The following THOC2 variants were observed in gnomAD, a reference collection of about 807,000 sequenced individuals.
THOC2 encodes the protein THO complex subunit 2, also known as THO complex 2.
In THOC2, 10 loss-of-function variants were observed where a neutral mutation model predicts 128.4. The observed-to-expected ratio is 0.08, with a 90% CI of 0.05 to 0.13. THOC2 has a LOEUF of 0.13. Ranked by LOEUF, THOC2 falls within the 10% of genes least tolerant of loss-of-function variation. The pLI, the probability that THOC2 is intolerant of heterozygous loss-of-function variation, is 1.00. For missense variants in THOC2, 535 were observed against 1,155.7 expected, an observed-to-expected ratio of 0.46 and a Z score of 7.79; for synonymous variants, 393 against 396.9, an observed-to-expected ratio of 0.99 and a Z score of 0.12.
Position 123,718,615 on chromosome X carries a change from C to T in THOC2, c.72-5707G>A, listed in dbSNP as rs138246429. ...CTCTACTAAAAATACAAAAATTATC[C>T]GGGCATGGTGGCGCATGCCTGTAAT... On this transcript the variant is annotated intron_variant, in intron 1 of 38. Coordinates refer to ENST00000245838, the MANE Select transcript of THOC2 (RefSeq NM_001081550.2). 7.6e-3 allele frequency among the ~76,000 whole-genome samples: 839 copies of T among 110,921 alleles called. 6 individuals are homozygous for T. Among genetic ancestry groups the T allele is most frequent in the Non-Finnish European group, 0.012 (645 of 52,916 alleles).
At chrX:123,654,758 CAAAAAA>C (rs149260708) in intron 12 of THOC2, among the ~76,000 whole-genome samples, 8 of 24,360 alleles carry the variant, frequency 3.3e-4, no homozygotes, top group African/African-American at 4.2e-4. Flanking sequence ...GACTCCGTCT[CAAAAAA>C]AAAAAAAAAA....
chrX:123,670,769 G>A (rs2049245752), intron 9 of THOC2, among the ~76,000 whole-genome samples: 1 of 112,354 alleles, frequency 8.9e-6, no homozygotes, highest in Non-Finnish European at 1.9e-5. Context: ...CCCCAAGACA[G>A]ATATGGTCAC....
intron 22 of THOC2, among the ~76,000 whole-genome samples, chrX:123,628,312 A>G (rs1371911273): frequency 9.0e-6 from 1 of 111,459 alleles, no homozygotes; most frequent in Non-Finnish European, 1.9e-5. Context: ...TTGAACATGT[A>G]GGGTTTCCAG....
intron 12 of THOC2, among the ~76,000 whole-genome samples, chrX:123,663,969 T>C (rs770303741): frequency 2.9e-4 from 33 of 111,947 alleles, no homozygotes; most frequent in African/African-American, 1.1e-3. Flanking sequence ...TATGACTGCA[T>C]AGTATTCCAT....
chrX:123,659,347 C>A lies in THOC2; in HGVS notation c.1386+6295G>T, dbSNP rs144918374. ...CAGCACTTTGGGAGGCCGAGGCGGG[C>A]GGATCACAAGGTCAAGAGATCAAGA... is the stretch of plus-strand genomic sequence containing the variant. On this transcript the variant is annotated intron_variant, in intron 12 of 38. Transcript: ENST00000245838. 1.3e-4 allele frequency among the ~76,000 whole-genome samples: 15 copies of A among 111,973 alleles called. No individual in the cohort carries two copies. The South Asian group carries it at 5.6e-3, about 42-fold the overall frequency.
At chrX:123,606,040 CA>C (rs1321322701) in intron 38 of THOC2, among the ~76,000 whole-genome samples, 1 of 111,025 alleles carries the variant, frequency 9.0e-6, no homozygotes, top group Non-Finnish European at 1.9e-5. Flanking sequence ...ACAATGTTAC[CA>C]GATGTTCCAA....
At chrX:123,646,169 C>A (rs2048121151) in intron 12 of THOC2, among the ~76,000 whole-genome samples, 2 of 111,913 alleles carry the variant, frequency 1.8e-5, no homozygotes, top group African/African-American at 6.5e-5. Context: ...CCCAAAATAC[C>A]AGTAACATTA....
At chrX:123,704,906 A>C (rs1294341520) in intron 3 of THOC2, among the ~76,000 whole-genome samples, 1 of 111,966 alleles carries the variant, frequency 8.9e-6, no homozygotes. Context: ...CTGTTTCTGA[A>C]TAAAAACTTC....
intron 1 of THOC2, 70 bp from the exon 2 acceptor site, chrX:123,712,978 A>T: frequency 1.3e-6 from 1 of 744,947 alleles, no homozygotes; most frequent in Non-Finnish European, 1.9e-6. Flanking sequence ...AAAGCAAATT[A>T]TATCAACTGG....
chrX:123,661,582 G>C (rs1209804297), intron 12 of THOC2, among the ~76,000 whole-genome samples: 1 of 110,806 alleles, frequency 9.0e-6, no homozygotes, highest in African/African-American at 3.3e-5. Flanking sequence ...ATGTTCAATA[G>C]CAGAGTAGGG....
intron 7 of THOC2, among the ~76,000 whole-genome samples, chrX:123,694,609 AAAAAAAAAAAG>A (rs1276577533): frequency 5.7e-5 from 5 of 87,460 alleles, no homozygotes; most frequent in Non-Finnish European, 1.0e-4. Context: ...CTCCATCTAA[AAAAAAAAAAAG>A]AAAAAAAAAA....
chrX:123,629,342 T>G (rs2047390875), intron 22 of THOC2, among the ~76,000 whole-genome samples: 1 of 109,237 alleles, frequency 9.2e-6, no homozygotes, highest in African/African-American at 3.3e-5. Flanking sequence ...TTTGTTTAAG[T>G]TAGGTATCAC....
intron 38 of THOC2, among the ~76,000 whole-genome samples, chrX:123,606,683 T>C (rs1293203156): frequency 4.5e-5 from 5 of 111,881 alleles, no homozygotes; most frequent in African/African-American, 1.6e-4. Flanking sequence ...ATTTGCAACG[T>C]AGGATTTAGA....
chrX:123,623,945 G>A lies in THOC2; in HGVS notation c.3345C>T (p.Gly1115=), dbSNP rs756308841. ...AGATATTCCTGATGTGAGTATATTC[G>A]CCTGTTTCAAGGCAATGTACCGATG... is the stretch of plus-strand genomic sequence containing the variant. ...TKASVHCLET[G]EYTHIRNILI... Residue 1115 remains glycine, a synonymous_variant, in exon 28 of 39, where the codon GGC becomes GGT. Coordinates refer to ENST00000245838, the MANE Select transcript of THOC2 (RefSeq NM_001081550.2). 1.2e-5 allele frequency: 15 copies of A among 1,201,559 alleles called. No homozygotes were observed. Among genetic ancestry groups the A allele is most frequent in the African/African-American group, 3.5e-5 (2 of 56,846 alleles).
At chrX:123,624,758 AT>A (rs1268834165) in intron 25 of THOC2, 89 bp from the exon 26 acceptor site, 1 of 883,956 alleles carries the variant, frequency 1.1e-6, no homozygotes. Flanking sequence ...GCAAGTCATA[AT>A]AAACAGGTAA....
At chrX:123,683,629 G>A (rs1370116988) in intron 8 of THOC2, among the ~76,000 whole-genome samples, 7 of 103,831 alleles carry the variant, frequency 6.7e-5, no homozygotes, top group South Asian at 4.3e-4. Flanking sequence ...ACAGAGTTTC[G>A]CTCTTGTTGC....
chrX:123,654,783 A>AG (rs2048504626), intron 12 of THOC2, among the ~76,000 whole-genome samples: 1 of 106,796 alleles, frequency 9.4e-6, no homozygotes, highest in Non-Finnish European at 1.9e-5. Context: ...AAAAAAAAAA[A>AG]AGTTTGAATA....
intron 10 of THOC2, among the ~76,000 whole-genome samples, chrX:123,667,771 C>A (rs2147805339): frequency 9.3e-6 from 1 of 107,837 alleles, no homozygotes; most frequent in East Asian, 2.9e-4. Context: ...AAAAAAAAAA[C>A]AGACACAGGC....
intron 8 of THOC2, among the ~76,000 whole-genome samples, chrX:123,682,037 A>G (rs149844156): frequency 7.1e-4 from 80 of 112,212 alleles, no homozygotes; most frequent in African/African-American, 2.6e-3. Context: ...CAGCCTGGGC[A>G]ACAGGAGTGA....
Sources: gnomAD v4.1 joint callset for allele counts (sites outside exome capture counted in the v4.1 genomes callset) on GRCh38, gnomAD v4.1.1 for gene constraint, MANE v1.5 for transcripts, NCBI Gene and HGNC (gene_info 2026-07-23, HGNC 2026-07-21) for gene names.